The following SLC2A14 variants were observed in gnomAD, a reference collection of about 807,000 sequenced individuals.
The protein encoded by SLC2A14 is solute carrier family 2 member 14.
A neutral mutation model predicts 43.0 loss-of-function variants in SLC2A14; 13 were observed. The observed-to-expected ratio is 0.30, with a 90% confidence interval of 0.20 to 0.48. SLC2A14 has a LOEUF of 0.48. Ranked by LOEUF, SLC2A14 falls within the 20% of genes least tolerant of loss-of-function variation. The probability of loss-of-function intolerance (pLI) is 0.99; values close to 1 mark genes in which losing one functional copy is unlikely to be tolerated. For missense variants in SLC2A14, 428 were observed against 620.4 expected, an observed-to-expected ratio of 0.69 and a Z score of 3.29; for synonymous variants, 190 against 233.8, an observed-to-expected ratio of 0.81 and a Z score of 1.71.
chr12:7,840,923 T>A (rs1411188971), intron 2 of SLC2A14, among the ~76,000 whole-genome samples: 1 of 152,102 alleles, frequency 6.6e-6, no homozygotes, highest in Non-Finnish European at 1.5e-5. Context: ...GACCTGAGGG[T>A]CAAATCAAGA....
chr12:7,869,356 C>T (rs1456745353), intron 2 of SLC2A14, among the ~76,000 whole-genome samples: 1 of 152,152 alleles, frequency 6.6e-6, no homozygotes, highest in South Asian at 2.1e-4. Context: ...CTATCCTACC[C>T]TCCAGCCCAA....
intron 6 of SLC2A14, among the ~76,000 whole-genome samples, chr12:7,828,162 G>C (rs1306697039): frequency 6.6e-6 from 1 of 152,076 alleles, no homozygotes; most frequent in African/African-American, 2.4e-5. Context: ...AGGAGTTTGA[G>C]ACCAGCCTGG....
chr12:7,873,072 G>A (rs1945329799), upstream of SLC2A14: 1 of 985,472 alleles, frequency 1.0e-6, no homozygotes, highest in Non-Finnish European at 1.2e-6. Flanking sequence ...GCCCCTCCCG[G>A]CTTCTCACCT....
intron 2 of SLC2A14, among the ~76,000 whole-genome samples, chr12:7,868,338 G>A (rs185145974): frequency 2.2e-3 from 328 of 152,258 alleles, no homozygotes; most frequent in African/African-American, 7.8e-3. Flanking sequence ...ACAGTATAAT[G>A]TAACATAACT....
chr12:7,837,908 C>T (rs1809281232), intron 2 of SLC2A14, among the ~76,000 whole-genome samples: 5 of 151,954 alleles, frequency 3.3e-5, no homozygotes, highest in Admixed American at 1.3e-4. Context: ...CAGGTGCACG[C>T]CACCACGCCT....
At chr12:7,876,575 C>T (rs1317230723), upstream of SLC2A14, among the ~76,000 whole-genome samples, 1 of 152,100 alleles carries the variant, frequency 6.6e-6, no homozygotes, top group African/African-American at 2.4e-5. Context: ...CCCTATGATC[C>T]AGCAATTCCA....
upstream of SLC2A14, among the ~76,000 whole-genome samples, chr12:7,877,805 G>C (rs149955875): frequency 2.1e-3 from 314 of 151,898 alleles, no homozygotes; most frequent in African/African-American, 7.2e-3. Flanking sequence ...TGGCCAAGCT[G>C]GAGTGCAGTT....
At chr12:7,856,032 T>A (rs1026771326) in intron 2 of SLC2A14, 1 of 152,078 alleles carries the variant, frequency 6.6e-6, no homozygotes, top group Non-Finnish European at 1.5e-5. Context: ...ATTGTAAAAA[T>A]TTTTATATTT....
intron 1 of SLC2A14, among the ~76,000 whole-genome samples, chr12:7,878,976 C>CAAAA (rs58838986): frequency 8.2e-4 from 57 of 69,276 alleles, no homozygotes; most frequent in African/African-American, 1.1e-3. Context: ...GAGTCCGTCT[C>CAAAA]AAAAAAAAAA....
At chr12:7,842,798 G>A (rs1018568745) in intron 2 of SLC2A14, among the ~76,000 whole-genome samples, 17 of 150,358 alleles carry the variant, frequency 1.1e-4, no homozygotes, top group African/African-American at 2.0e-4. Context: ...GTGCGATCTC[G>A]GCTCATCGCA....
chr12:7,833,131 G>C (rs1310667300), intron 2 of SLC2A14, among the ~76,000 whole-genome samples: 1 of 152,190 alleles, frequency 6.6e-6, no homozygotes, highest in East Asian at 1.9e-4. Context: ...GGTAGGCATA[G>C]AATTCCACTC....
At chr12:7,845,406 C>T (rs968338851) in intron 2 of SLC2A14, among the ~76,000 whole-genome samples, 3 of 152,136 alleles carry the variant, frequency 2.0e-5, no homozygotes, top group African/African-American at 2.4e-5. Context: ...TGCTTGACTT[C>T]GGAAATCATC....
rs1299194934 is a variant in SLC2A14, at chr12:7,816,123, A to G, written c.1276-1589T>C. On this transcript the variant is annotated intron_variant, in intron 10 of 10. Coordinates refer to ENST00000431042, the MANE Select transcript of SLC2A14 (RefSeq NM_001286234.2). ...ATTTTTTTTATTTTTTTTGAGACGG[A>G]GTCTCGCTCTGTCGCCCAGGCCGGA... Among the ~76,000 whole-genome samples the G allele has an allele frequency of 5.0e-3, 557 of 111,316 alleles. 3 individuals are homozygous for G. The highest frequency in any genetic ancestry group is 9.0e-3 in the Middle Eastern group (2 of 222). The allele number at this position is 111,316 out of a possible 152,430, so 73.0% of individuals were successfully genotyped here. A position where few individuals can be genotyped will look rare whatever the true frequency, so the allele number is the denominator to read the frequency against.
chr12:7,854,324 A>T (rs1867174423), intron 2 of SLC2A14, among the ~76,000 whole-genome samples: 1 of 152,046 alleles, frequency 6.6e-6, no homozygotes, highest in Admixed American at 6.6e-5. Context: ...TATCTAATCC[A>T]CCAACAAAAA....
intron 2 of SLC2A14, among the ~76,000 whole-genome samples, chr12:7,844,480 CTTG>C (rs1031785206): frequency 1.6e-4 from 25 of 151,570 alleles, no homozygotes; most frequent in East Asian, 7.7e-4. Flanking sequence ...CGATTGTATA[CTTG>C]TTGTATGCTT....
chr12:7,881,595 C>T (rs771960129), intron 1 of SLC2A14, among the ~76,000 whole-genome samples: 11 of 152,142 alleles, frequency 7.2e-5, no homozygotes, highest in Non-Finnish European at 1.3e-4. Flanking sequence ...TGAGCCTCCC[C>T]GACAAGCGCG....
Position 7,832,715 on chromosome 12 carries a change from C to T in SLC2A14, c.111+7G>A. 6.2e-7 allele frequency: 1 copy of T among 1,613,054 alleles called. No individual in the cohort carries two copies. Among genetic ancestry groups the T allele is most frequent in the Non-Finnish European group, 8.5e-7 (1 of 1,179,206 alleles). On this transcript the variant is annotated splice_region_variant and intron_variant, in intron 3 of 10. Coordinates refer to ENST00000431042, the MANE Select transcript of SLC2A14 (RefSeq NM_001286234.2). ...CCAGATTCTAATTCTTGTGGCCTGG[C>T]ACTCACCGTCTCAGGAGCATTGATG...
Position 7,814,557 on chromosome 12 carries a change from G to A in SLC2A14, c.1276-23C>T, listed in dbSNP as rs757104427. On this transcript the variant is annotated intron_variant, in intron 10 of 10. Coordinates refer to ENST00000431042, the MANE Select transcript of SLC2A14 (RefSeq NM_001286234.2). Reference sequence around the variant, plus strand: ...GTACTAGTGAAAGGACAGAAAAAAGGAAGGTTGATATAAAAATCTGGTCAT... The same window carrying A: ...GTACTAGTGAAAGGACAGAAAAAAGAAAGGTTGATATAAAAATCTGGTCAT... 10 of 1,599,130 alleles carry A rather than the reference G, an allele frequency of 6.3e-6. No homozygotes were observed. In the African/African-American group the frequency reaches 1.4e-4, roughly 22 times the overall value.
chr12:7,826,834 T>TTTCCTTCCTTCCTTCCTTCC lies in SLC2A14; in HGVS notation c.864+641_864+660dup. Among the ~76,000 whole-genome samples the TTTCCTTCCTTCCTTCCTTCC allele has an allele frequency of 6.8e-5, 2 of 29,622 alleles. 1 individual carries two copies. The highest frequency in any genetic ancestry group is 3.1e-3 in the South Asian group (2 of 650). 19.4% of individuals were successfully genotyped at this position (29,622 alleles called of 152,430 possible). A position where few individuals can be genotyped will look rare whatever the true frequency, so the allele number is the denominator to read the frequency against. ...TCGCTCTTTTTTCTTTCTTTCTTTCTTTCCTTCCTTCCTTCCTTCCTTTCT... is the reference window on the plus strand; with the variant it reads ...TCGCTCTTTTTTCTTTCTTTCTTTCTTTCCTTCCTTCCTTCCTTCCTTCCTTCCTTCCTTCCTTCCTTTCT... On this transcript the variant is annotated intron_variant, in intron 7 of 10. Transcript: ENST00000431042.
Sources: allele counts gnomAD v4.1 joint callset (sites outside exome capture counted in the v4.1 genomes callset), GRCh38; gene constraint gnomAD v4.1.1; transcripts MANE v1.5; gene names NCBI Gene and HGNC (gene_info 2026-07-23, HGNC 2026-07-21).